The following ANXA8 variants were observed in gnomAD, a reference collection of about 807,000 sequenced individuals.
ANXA8 encodes the protein VAC-beta.
Under a neutral mutation model 26.8 loss-of-function variants are expected in ANXA8, and 9 were observed. The ratio of observed to expected loss-of-function variants is 0.34; its 90% CI spans 0.20 to 0.59. The LOEUF is 0.59. ANXA8 is among the 20% of genes least tolerant of loss of function. The pLI, the probability that ANXA8 is intolerant of heterozygous loss-of-function variation, is 0.84. For missense variants in ANXA8, 83 were observed against 238.5 expected (o/e 0.35, Z 4.29); for synonymous variants, 39 against 94.8 (o/e 0.41, Z 3.42).
At chr10:47,649,763 A>C in the ANXA8 span, among the ~76,000 whole-genome samples, 2 of 135,782 alleles carry the variant, frequency 1.5e-5, no homozygotes, top group African/African-American at 5.9e-5. Context: ...GGGTCTCATC[A>C]TGTTGCCCAG....
At chr10:47,937,921 T>C in the ANXA8 span, among the ~76,000 whole-genome samples, 4 of 128,002 alleles carry the variant, frequency 3.1e-5, no homozygotes, top group South Asian at 1.1e-3. Flanking sequence ...TTATCCAATC[T>C]ACCATTGATG....
the ANXA8 span, among the ~76,000 whole-genome samples, chr10:47,671,426 A>G: frequency 5.6e-5 from 4 of 71,022 alleles, no homozygotes; most frequent in Admixed American, 1.4e-4. Context: ...TGTCTCAAAA[A>G]CAAAACAAAA....
chr10:47,919,947 C>G, the ANXA8 span, among the ~76,000 whole-genome samples: 1 of 5,832 alleles, frequency 1.7e-4, no homozygotes. Flanking sequence ...ACTGGCCAAG[C>G]CTTGCTGATG....
the ANXA8 span, among the ~76,000 whole-genome samples, chr10:47,941,321 C>T: frequency 2.0e-4 from 29 of 146,406 alleles, no homozygotes; most frequent in Non-Finnish European, 8.9e-5. Flanking sequence ...CTGCTCTGAG[C>T]GTGGGGATGG....
the ANXA8 span, among the ~76,000 whole-genome samples, chr10:47,586,530 A>G: frequency 6.9e-6 from 1 of 145,190 alleles, no homozygotes. Flanking sequence ...ACTTGACACT[A>G]GCTGAGGCTT....
chr10:47,590,801 T>A, the ANXA8 span, among the ~76,000 whole-genome samples: 4 of 137,978 alleles, frequency 2.9e-5, no homozygotes, highest in African/African-American at 1.3e-4. Flanking sequence ...ACTGGAATAC[T>A]CATCACACCA....
chr10:47,699,882 A>C, the ANXA8 span, among the ~76,000 whole-genome samples: 4 of 151,870 alleles, frequency 2.6e-5, no homozygotes, highest in African/African-American at 7.3e-5. Context: ...AATAACAAAC[A>C]GAGGGCATAA....
At chr10:47,683,161 TG>T in the ANXA8 span, among the ~76,000 whole-genome samples, 8 of 151,760 alleles carry the variant, frequency 5.3e-5, no homozygotes, top group African/African-American at 1.9e-4. Context: ...TTTCATAAGT[TG>T]CATAAAAAGT....
the ANXA8 span, among the ~76,000 whole-genome samples, chr10:47,974,264 T>C: frequency 6.7e-6 from 1 of 148,434 alleles, no homozygotes; most frequent in Non-Finnish European, 1.5e-5. Flanking sequence ...TTGTCATTTC[T>C]GACAGTACTT....
chr10:47,502,142 C>A, the ANXA8 span: 1 of 1,570,404 alleles, frequency 6.4e-7, no homozygotes, highest in Non-Finnish European at 8.7e-7. Flanking sequence ...GGAGGCCTGC[C>A]GGGCGTAGGT....
At chr10:47,946,301 G>A in the ANXA8 span, among the ~76,000 whole-genome samples, 1 of 149,824 alleles carries the variant, frequency 6.7e-6, no homozygotes, top group East Asian at 2.1e-4. Context: ...ATTTATCTCA[G>A]TTTGTAGTCA....
chr10:47,555,562 A>G, the ANXA8 span, among the ~76,000 whole-genome samples: 1 of 151,962 alleles, frequency 6.6e-6, no homozygotes, highest in Non-Finnish European at 1.5e-5. Context: ...TCATTTGCCA[A>G]CAACTCCCAA....
chr10:47,525,362 T>G, the ANXA8 span, among the ~76,000 whole-genome samples: 1 of 141,448 alleles, frequency 7.1e-6, no homozygotes, highest in Non-Finnish European at 1.5e-5. Flanking sequence ...GCCAAGATCG[T>G]GCCATGGCAC....
chr10:47,710,140 A>T, the ANXA8 span: 6 of 598,690 alleles, frequency 1.0e-5, no homozygotes, highest in South Asian at 1.3e-4. Flanking sequence ...ACAACATAAA[A>T]TACAGTTCTA....
At chr10:47,564,978 G>C in the ANXA8 span, 2 of 1,142,054 alleles carry the variant, frequency 1.8e-6, no homozygotes, top group African/African-American at 3.1e-5. Flanking sequence ...CTGTCCAGCT[G>C]CCAAGTCATC....
the ANXA8 span, among the ~76,000 whole-genome samples, chr10:47,681,680 T>TA: frequency 1.6e-5 from 2 of 128,816 alleles, no homozygotes; most frequent in Non-Finnish European, 3.2e-5. Flanking sequence ...TACAGGCACA[T>TA]ACCACCCTAC....
At chr10:47,484,470 C>G, upstream of ANXA8, 1 of 1,080,084 alleles carries the variant, frequency 9.3e-7, no homozygotes, top group Non-Finnish European at 1.3e-6. Flanking sequence ...GGGCAAGGGG[C>G]TCATATTCAC....
chr10:47,651,283 C>CA, the ANXA8 span, among the ~76,000 whole-genome samples: 20,562 of 136,908 alleles, frequency 0.15, 1,195 homozygotes, highest in East Asian at 0.4. Flanking sequence ...AAAAAAATCT[C>CA]AAAAAAAAAA....
the ANXA8 span, among the ~76,000 whole-genome samples, chr10:47,755,445 C>T: frequency 6.6e-5 from 10 of 151,560 alleles, no homozygotes; most frequent in Admixed American, 2.0e-4. Context: ...TTAGTAGAGA[C>T]GTGGTTTCAC....
Sources: allele counts gnomAD v4.1 joint callset (sites outside exome capture counted in the v4.1 genomes callset), GRCh38; gene constraint gnomAD v4.1.1; transcripts MANE v1.5; gene names NCBI Gene and HGNC (gene_info 2026-07-23, HGNC 2026-07-21).